CHRNA7: variants seen among roughly 807,000 people sequenced by gnomAD.
CHRNA7 encodes the protein neuronal acetylcholine receptor subunit alpha-7.
In CHRNA7, 17 loss-of-function variants were observed where a neutral mutation model predicts 48.0. The observed-to-expected ratio is 0.35, with a 90% CI of 0.24 to 0.53. The LOEUF (loss-of-function observed/expected upper bound fraction) is 0.53. CHRNA7 is among the 20% of genes least tolerant of loss of function. CHRNA7 has a pLI of 0.92. For synonymous variants in CHRNA7, 75 were observed against 242.3 expected, an observed-to-expected ratio of 0.31 and a Z score of 6.41; for missense variants, 155 against 577.7, an observed-to-expected ratio of 0.27 and a Z score of 7.50.
rs1011172018 is a variant in CHRNA7 at position 32,149,330 on chromosome 15, A to AG, written c.351-4572dup. Reference sequence around the variant, plus strand: ...AGCACAGGGCTGCCCAGCACTGGTGAGGGGGTCACTGTTGGCTGGCATCTG... The same window carrying AG: ...AGCACAGGGCTGCCCAGCACTGGTGAGGGGGGTCACTGTTGGCTGGCATCTG... On this transcript the variant is annotated intron_variant, in intron 4 of 9. Coordinates refer to ENST00000306901, the MANE Select transcript of CHRNA7 (RefSeq NM_000746.6). This position sits in a 1 kb window ranked among gnomAD's most constrained non-coding sequence, Gnocchi z 4.6. Among the ~76,000 whole-genome samples the AG allele has an allele frequency of 1.3e-5, 2 of 152,066 alleles. No individual in the cohort carries two copies. The highest frequency in any genetic ancestry group is 2.9e-5 in the Non-Finnish European group (2 of 68,000).
At chr15:32,078,662 C>CA (rs71113442) in intron 2 of CHRNA7, among the ~76,000 whole-genome samples, 5,213 of 99,362 alleles carry the variant, frequency 0.052, 401 homozygotes, top group African/African-American at 0.17. Context: ...GCCTACCAAC[C>CA]AAAAAAAAAA....
intron 3 of CHRNA7, among the ~76,000 whole-genome samples, chr15:32,107,364 A>G (rs901817294): frequency 3.3e-5 from 5 of 152,074 alleles, no homozygotes; most frequent in South Asian, 2.1e-4. Flanking sequence ...CCCAGGTTCA[A>G]TAACTTTCTA....
At chr15:32,125,626 G>A (rs944846165) in intron 4 of CHRNA7, among the ~76,000 whole-genome samples, 2 of 152,146 alleles carry the variant, frequency 1.3e-5, no homozygotes, top group African/African-American at 2.4e-5. Context: ...TGGGCTCCAT[G>A]TGCAGGATCT....
intron 2 of CHRNA7, among the ~76,000 whole-genome samples, chr15:32,073,350 C>T (rs2050087495): frequency 6.6e-6 from 1 of 152,166 alleles, no homozygotes; most frequent in Non-Finnish European, 1.5e-5. Flanking sequence ...AATGCCTGTA[C>T]CACCATTGTT....
chr15:32,042,488 C>CTG (rs1168838218), intron 2 of CHRNA7, among the ~76,000 whole-genome samples: 1 of 152,214 alleles, frequency 6.6e-6, no homozygotes, highest in Non-Finnish European at 1.5e-5. Context: ...CTGTGGGAAC[C>CTG]TGGTAGAGCT....
intron 3 of CHRNA7, among the ~76,000 whole-genome samples, chr15:32,106,260 C>T (rs929667002): frequency 1.3e-5 from 2 of 152,178 alleles, no homozygotes; most frequent in Non-Finnish European, 2.9e-5. Context: ...TTTCTCCTCC[C>T]GAGTTTCATG....
intron 4 of CHRNA7, among the ~76,000 whole-genome samples, chr15:32,114,681 G>A (rs2050838232): frequency 6.6e-6 from 1 of 152,242 alleles, no homozygotes; most frequent in South Asian, 2.1e-4. Flanking sequence ...GGAATGAATA[G>A]ATTTCAGAGA....
At chr15:32,128,166 C>T (rs756347376) in intron 4 of CHRNA7, among the ~76,000 whole-genome samples, 2 of 152,026 alleles carry the variant, frequency 1.3e-5, no homozygotes, top group Non-Finnish European at 2.9e-5. Context: ...ATCTAGATAT[C>T]TCTTCCTCTA....
chr15:32,098,356 G>T (rs983223196), intron 2 of CHRNA7, among the ~76,000 whole-genome samples: 1 of 152,200 alleles, frequency 6.6e-6, no homozygotes, highest in Admixed American at 6.5e-5. Context: ...AGCCTCTGGG[G>T]AGGGAGGGCT....
intron 4 of CHRNA7, chr15:32,153,588 A>G (rs1429794371): frequency 2.0e-5 from 9 of 442,102 alleles, no homozygotes; most frequent in Non-Finnish European, 3.8e-5. Flanking sequence ...ACACCATGAA[A>G]ATGTCACATC....
At chr15:32,147,070 A>G (rs539808068) in intron 4 of CHRNA7, among the ~76,000 whole-genome samples, 4 of 152,352 alleles carry the variant, frequency 2.6e-5, no homozygotes, top group African/African-American at 7.2e-5. Context: ...ATCTTCTCCC[A>G]TGTTACTTAT....
chr15:32,107,453 T>G (rs1346067500), intron 3 of CHRNA7, among the ~76,000 whole-genome samples: 1 of 149,550 alleles, frequency 6.7e-6, no homozygotes, highest in African/African-American at 2.4e-5. Context: ...TTTAATATAT[T>G]TATAAATAAA....
intron 2 of CHRNA7, among the ~76,000 whole-genome samples, chr15:32,085,983 G>A (rs555852805): frequency 1.1e-4 from 16 of 152,046 alleles, no homozygotes; most frequent in African/African-American, 2.7e-4. Flanking sequence ...ATATTCTATC[G>A]TTTTACTACA....
chr15:32,118,599 C>G (rs1023032539), intron 4 of CHRNA7, among the ~76,000 whole-genome samples: 1 of 152,314 alleles, frequency 6.6e-6, no homozygotes, highest in African/African-American at 2.4e-5. Flanking sequence ...CCATCTCACT[C>G]TCCCAGGTCT....
chr15:32,110,305 A>G (rs1158020357), intron 3 of CHRNA7, among the ~76,000 whole-genome samples: 1 of 152,166 alleles, frequency 6.6e-6, no homozygotes, highest in Non-Finnish European at 1.5e-5. Flanking sequence ...TTCCTGGAAG[A>G]CAACTAGGAC....
At chr15:32,064,052 A>T (rs1478531565) in intron 2 of CHRNA7, among the ~76,000 whole-genome samples, 1 of 152,130 alleles carries the variant, frequency 6.6e-6, no homozygotes, top group Non-Finnish European at 1.5e-5. Context: ...AATAAGTTGA[A>T]TACTTTTTCT....
intron 9 of CHRNA7, among the ~76,000 whole-genome samples, chr15:32,164,913 TAAAAAAAAAAAAA>T (rs1164824394): frequency 5.6e-4 from 9 of 15,966 alleles, no homozygotes; most frequent in Admixed American, 2.4e-3. Flanking sequence ...CTCCATCTCC[TAAAAAAAAAAAAA>T]AAAAAAAAAA....
chr15:32,038,362 T>C (rs921752775), intron 2 of CHRNA7, among the ~76,000 whole-genome samples: 4 of 151,750 alleles, frequency 2.6e-5, no homozygotes, highest in African/African-American at 9.7e-5. Flanking sequence ...AGTTGGATTA[T>C]GTCAAAATTG....
chr15:32,111,701 C>T lies in CHRNA7; in HGVS notation c.241-89C>T. On this transcript the variant is annotated intron_variant, in intron 3 of 9. Transcript: ENST00000306901. ...AGTTATAATAAATGTCTGGAATTCT[C>T]TTTGGTTTTGCACTTACCTAATAAT... 3 of 711,274 alleles carry T rather than the reference C, an allele frequency of 4.2e-6. 1 individual carries two copies. The highest frequency in any genetic ancestry group is 7.4e-6 in the Non-Finnish European group (3 of 405,390). 44.1% of individuals were successfully genotyped at this position (711,274 alleles called of 1,614,324 possible). A position where few individuals can be genotyped will look rare whatever the true frequency, so the allele number is the denominator to read the frequency against.
Sources: gnomAD v4.1 joint callset for allele counts (sites outside exome capture counted in the v4.1 genomes callset) on GRCh38, gnomAD v4.1.1 for gene constraint, Gnocchi (gnomAD v3.1) non-coding constraint, MANE v1.5 for transcripts, NCBI Gene and HGNC (gene_info 2026-07-23, HGNC 2026-07-21) for gene names.